Variants in DOK5 observed in about 807,000 individuals in gnomAD.
DOK5 encodes docking protein 5.
A neutral mutation model predicts 43.3 loss-of-function variants in DOK5; 27 were observed. The observed-to-expected ratio is 0.62, with a 90% CI of 0.46 to 0.86. The LOEUF is 0.86. DOK5 is among the 40% of genes least tolerant of loss of function. The pLI, the probability that DOK5 is intolerant of heterozygous loss-of-function variation, is 0.00. For missense variants in DOK5, 373 were observed against 392.9 expected, an observed-to-expected ratio of 0.95 and a Z score of 0.43; for synonymous variants, 146 against 140.1, an observed-to-expected ratio of 1.04 and a Z score of -0.30.
chr20:54,591,780 A>T lies in DOK5; in HGVS notation c.574A>T (p.Thr192Ser). Reference protein sequence around the residue: ...SALRRYGRDTTWFTFEAGRMC... With the variant: ...SALRRYGRDTSWFTFEAGRMC... ...CCTGCGGCGGTATGGACGTGATACT[A>T]CGTGGTTCACTTTTGAGGCAGGGAG... Residue 192 changes from threonine to serine, a missense_variant, in exon 5 of 8, where the codon ACG becomes TCG. Thr to Ser is a moderately conservative substitution (Grantham distance 58). Transcript: ENST00000262593. The T allele has an allele frequency of 3.1e-6, 5 of 1,612,940 alleles. No individual in the cohort carries two copies. Among genetic ancestry groups the T allele is most frequent in the Non-Finnish European group, 4.2e-6 (5 of 1,179,740 alleles).
intron 1 of DOK5, among the ~76,000 whole-genome samples, chr20:54,525,921 A>G (rs919571475): frequency 6.6e-6 from 1 of 152,214 alleles, no homozygotes; most frequent in Non-Finnish European, 1.5e-5. Context: ...TCGGGGCCAA[A>G]CATTGAGACA....
chr20:54,553,945 A>C, intron 1 of DOK5, among the ~76,000 whole-genome samples: 1 of 151,852 alleles, frequency 6.6e-6, no homozygotes, highest in East Asian at 1.9e-4. Context: ...AGGTTTAAAA[A>C]TGTCTCATTT....
intron 1 of DOK5, among the ~76,000 whole-genome samples, chr20:54,548,229 T>TTTTATTTA (rs10694715): frequency 0.023 from 3,506 of 149,420 alleles, 136 homozygotes; most frequent in African/African-American, 0.077. Context: ...ATTACCTATC[T>TTTTATTTA]TTTATTTATT....
intron 6 of DOK5, among the ~76,000 whole-genome samples, chr20:54,620,334 G>A (rs1323972314): frequency 6.6e-6 from 1 of 152,180 alleles, no homozygotes; most frequent in Non-Finnish European, 1.5e-5. Context: ...CGCCTCCCGG[G>A]TTCAAGTGAT....
rs77787494 is a variant in DOK5 at position 54,599,401 on chromosome 20, G to A, written c.599+7596G>A. On this transcript the variant is annotated intron_variant, in intron 5 of 7. Coordinates refer to ENST00000262593, the MANE Select transcript of DOK5 (RefSeq NM_018431.5). ...CATTATAAATATTCCAATAGTAGAG[G>A]CATGTATGAAATCAGAAGGGAGCAT... Among the ~76,000 whole-genome samples, 1,262 of 152,270 alleles carry A rather than the reference G, an allele frequency of 8.3e-3. 18 individuals carry two copies. Among genetic ancestry groups the A allele is most frequent in the African/African-American group, 0.029 (1,206 of 41,542 alleles).
chr20:54,496,603 T>TA (rs1982402996), intron 1 of DOK5, among the ~76,000 whole-genome samples: 1 of 151,544 alleles, frequency 6.6e-6, no homozygotes, highest in Non-Finnish European at 1.5e-5. Context: ...CCGTCTCTAC[T>TA]AAAAATACAA....
chr20:54,592,352 C>T (rs926897334), intron 5 of DOK5, among the ~76,000 whole-genome samples: 1 of 152,078 alleles, frequency 6.6e-6, no homozygotes, highest in African/African-American at 2.4e-5. Flanking sequence ...CGACTAAGCA[C>T]TTTCCGGGTT....
In DOK5 at chr20:54,619,023, TTATATATATATA is replaced by T. The variant is rs11468808; in HGVS notation, c.735+8540_735+8551del. Among the ~76,000 whole-genome samples, 135 of 43,396 alleles carry T rather than the reference TTATATATATATA, an allele frequency of 3.1e-3. 2 individuals are homozygous for T. Among genetic ancestry groups the T allele is most frequent in the South Asian group, 0.013 (9 of 698 alleles). 28.5% of individuals were successfully genotyped at this position (43,396 alleles called of 152,430 possible). ...CAGAACAAGACCTTGTTTCAATAAA[TTATATATATATA>T]TATATATATATATATATATATATAT... On this transcript the variant is annotated intron_variant, in intron 6 of 7. Transcript: ENST00000262593.
intron 2 of DOK5, among the ~76,000 whole-genome samples, chr20:54,563,664 G>GTTTT (rs76886127): frequency 5.2e-5 from 6 of 114,346 alleles, no homozygotes; most frequent in South Asian, 5.8e-4. Flanking sequence ...TATTTGTCAG[G>GTTTT]TTTTTTTTTT....
intron 1 of DOK5, among the ~76,000 whole-genome samples, chr20:54,542,588 T>A (rs1287108060): frequency 6.6e-6 from 1 of 152,236 alleles, no homozygotes. Flanking sequence ...AAGAATGCTC[T>A]GAGCTGTTCA....
At chr20:54,643,652 C>A (rs551172309) in intron 7 of DOK5, 74 bp downstream of exon 7, 1 of 1,524,236 alleles carries the variant, frequency 6.6e-7, no homozygotes, top group African/African-American at 1.4e-5. Context: ...CAGCTCAACT[C>A]GCAGCTGCTG....
chr20:54,539,612 G>T (rs1355293084), intron 1 of DOK5, among the ~76,000 whole-genome samples: 2 of 152,116 alleles, frequency 1.3e-5, no homozygotes, highest in East Asian at 1.9e-4. Context: ...GCTGTCATGG[G>T]CTCCCGCTTG....
intron 6 of DOK5, among the ~76,000 whole-genome samples, chr20:54,633,351 A>T (rs575168143): frequency 1.3e-5 from 2 of 152,178 alleles, no homozygotes; most frequent in Non-Finnish European, 2.9e-5. Context: ...GGTAGTGTAG[A>T]TGAGAGCCGA....
At chr20:54,628,517 A>AACTGATG (rs934377044) in intron 6 of DOK5, among the ~76,000 whole-genome samples, 38 of 151,346 alleles carry the variant, frequency 2.5e-4, no homozygotes, top group African/African-American at 9.0e-4. Flanking sequence ...GAGGAACCAG[A>AACTGATG]ACTGATGCAC....
chr20:54,640,801 C>A (rs933075280), intron 6 of DOK5, among the ~76,000 whole-genome samples: 1 of 152,188 alleles, frequency 6.6e-6, no homozygotes, highest in Admixed American at 6.5e-5. Flanking sequence ...TAAATAGAAT[C>A]TCTTTATATC....
intron 6 of DOK5, among the ~76,000 whole-genome samples, chr20:54,619,939 C>A (rs530404786): frequency 6.6e-6 from 1 of 152,246 alleles, no homozygotes; most frequent in East Asian, 1.9e-4. Context: ...TGTGTGTAAA[C>A]GCTCTTTTCA....
At chr20:54,552,216 A>AT (rs148954239) in intron 1 of DOK5, among the ~76,000 whole-genome samples, 3,843 of 151,402 alleles carry the variant, frequency 0.025, 119 homozygotes, top group African/African-American at 0.071. Flanking sequence ...CGTTGTTAAC[A>AT]TTTTTTTTTG....
intron 1 of DOK5, among the ~76,000 whole-genome samples, chr20:54,518,260 G>A (rs911974565): frequency 1.2e-4 from 18 of 151,930 alleles, no homozygotes; most frequent in East Asian, 5.8e-4. Flanking sequence ...ATCTCCTAAC[G>A]TTATCCCTCC....
chr20:54,637,019 T>C (rs1978855925), intron 6 of DOK5, among the ~76,000 whole-genome samples: 1 of 152,254 alleles, frequency 6.6e-6, no homozygotes, highest in Non-Finnish European at 1.5e-5. Context: ...CAGAACTTCA[T>C]TCTTCTTTTT....
Sources: allele counts gnomAD v4.1 joint callset (sites outside exome capture counted in the v4.1 genomes callset), GRCh38; gene constraint gnomAD v4.1.1; transcripts MANE v1.5; gene names NCBI Gene and HGNC (gene_info 2026-07-23, HGNC 2026-07-21).